Variants in HMX1 observed in about 807,000 individuals in gnomAD.
The protein encoded by HMX1 is H6 family homeobox 1.
HMX1 carries 8 observed loss-of-function variants against 8.9 expected under a neutral mutation model. That is an observed-to-expected ratio of 0.90 (90% CI 0.53 to 1.63). The LOEUF is 1.63. HMX1 is among the 40% of genes most tolerant of loss of function. The pLI, the probability that HMX1 is intolerant of heterozygous loss-of-function variation, is 0.00. For synonymous variants in HMX1, 311 were observed against 283.4 expected (o/e 1.10, Z -0.98); for missense variants, 621 against 558.5 (o/e 1.11, Z -1.13).
chr4:8,859,407 A>G (rs763341896), intron 1 of HMX1, among the ~76,000 whole-genome samples: 3 of 152,144 alleles, frequency 2.0e-5, no homozygotes, highest in Non-Finnish European at 4.4e-5. Context: ...CAATCCCAGA[A>G]AAGGCCCGCG....
rs1460626582 is a variant in HMX1, at chr4:8,868,122, C to A, written c.618G>T (p.Thr206=). 2 of 1,515,876 alleles carry A rather than the reference C, an allele frequency of 1.3e-6. No individual in the cohort carries two copies. Among genetic ancestry groups the A allele is most frequent in the East Asian group, 5.2e-5 (2 of 38,372 alleles). The allele number at this position is 1,515,876 out of a possible 1,614,324, so 93.9% of individuals were successfully genotyped here. A position where few individuals can be genotyped will look rare whatever the true frequency, so the allele number is the denominator to read the frequency against. ...VGVGGGRKKK[T]RTVFSRSQVF... ...CCTGGCTGCGGGAGAAGACTGTGCG[C>A]GTCTTCTTCTTTCGGCCGCCGCCCA... Residue 206 remains threonine (T), a synonymous_variant, in exon 2 of 2, where the codon ACG becomes ACT. Transcript: ENST00000400677. The surrounding 1 kb of genome is among the most constrained non-coding windows in gnomAD (Gnocchi z 4.6).
In HMX1 at chr4:8,867,638, T is replaced by C. The variant is rs1411394670; in HGVS notation, c.*55A>G. 2.5e-6 allele frequency: 3 copies of C among 1,211,264 alleles called. No homozygotes were observed. The highest frequency in any genetic ancestry group is 3.1e-6 in the Non-Finnish European group (3 of 974,230). 75.0% of individuals were successfully genotyped at this position (1,211,264 alleles called of 1,614,324 possible). On this transcript the variant is annotated 3_prime_UTR_variant, in exon 2 of 2. Coordinates refer to ENST00000400677, the MANE Select transcript of HMX1 (RefSeq NM_018942.3). ...CCTGAGCCCTGCGCCTGCCGCTGAATCGCGCGTCCACACAGGTCCACAGGG... is the reference window on the plus strand; with the variant it reads ...CCTGAGCCCTGCGCCTGCCGCTGAACCGCGCGTCCACACAGGTCCACAGGG...
At chr4:8,857,582 G>A (rs530060548) in intron 1 of HMX1, among the ~76,000 whole-genome samples, 3 of 142,884 alleles carry the variant, frequency 2.1e-5, no homozygotes, top group Non-Finnish European at 4.6e-5. Flanking sequence ...GCACCCCCCC[G>A]CCCCCCTGCC....
chr4:8,867,010 G>C (rs1288620911), downstream of HMX1: 1 of 931,686 alleles, frequency 1.1e-6, no homozygotes, highest in Admixed American at 6.2e-5. Flanking sequence ...CGCAGCTTGA[G>C]CTGTCTCTGC....
In HMX1 at chr4:8,853,120, C is replaced by T. The variant is rs1450866639; in HGVS notation, c.395-6796G>A. ...TTCTGACTGGCCCAGTTTACAAGAGCCTCCTGTATTAGGGTATTGACTCTA... is the reference window on the plus strand; with the variant it reads ...TTCTGACTGGCCCAGTTTACAAGAGTCTCCTGTATTAGGGTATTGACTCTA... On this transcript the variant is annotated intron_variant, in intron 1 of 1. Coordinates refer to the HMX1 transcript ENST00000506970. This position sits in a 1 kb window ranked among gnomAD's most constrained non-coding sequence, Gnocchi z 4.7. 1.3e-5 allele frequency among the ~76,000 whole-genome samples: 2 copies of T among 152,204 alleles called. No individual in the cohort carries two copies. The highest frequency in any genetic ancestry group is 2.9e-5 in the Non-Finnish European group (2 of 68,036).
rs1722093999 is a variant in HMX1 at position 8,868,278 on chromosome 4, G to T, written c.462C>A (p.Gly154=). The change falls in exon 2 of 2, where the codon GGC becomes GGA. Residue 154 remains glycine (G), a synonymous_variant. Transcript: ENST00000400677. This position sits in a 1 kb window ranked among gnomAD's most constrained non-coding sequence, Gnocchi z 4.6. ...CCCGCTGCACCGCTCCCGGCCCGGG[G>T]CCTCGCGGCCAGGCGCCCTCCGCAC... ...MGRAEGAWPR[G]PGPGAVQREA... is the part of the protein sequence containing the mutation. The T allele has an allele frequency of 2.8e-6, 4 of 1,439,940 alleles. No individual in the cohort carries two copies. In the South Asian group the frequency reaches 4.2e-5, roughly 15 times the overall value. The allele number at this position is 1,439,940 out of a possible 1,614,324, so 89.2% of individuals were successfully genotyped here. A position where few individuals can be genotyped will look rare whatever the true frequency, so the allele number is the denominator to read the frequency against.
rs1721348684 is a variant in HMX1, at chr4:8,848,765, C to T, written c.395-2441G>A. 6.6e-6 allele frequency among the ~76,000 whole-genome samples: 1 copy of T among 152,174 alleles called. No individual in the cohort carries two copies. The highest frequency in any genetic ancestry group is 6.5e-5 in the Admixed American group (1 of 15,282). On this transcript the variant is annotated intron_variant, in intron 1 of 1. Transcript: ENST00000506970. The surrounding 1 kb of genome is among the most constrained non-coding windows in gnomAD (Gnocchi z 4.1). The stretch of plus-strand genomic sequence containing the variant: ...ACCCAACCTGGGTCAGAAGATTACC[C>T]CAGGGCAAGTAGCAAGGAGACATCA...
At position 8,867,386 on chromosome 4, in the gene HMX1, G is replaced by T. The variant is rs897981508; in HGVS notation, c.*307C>A. 4.8e-6 allele frequency: 5 copies of T among 1,051,590 alleles called. No homozygotes were observed. The highest frequency in any genetic ancestry group is 5.5e-5 in the Admixed American group (1 of 18,186). The allele number at this position is 1,051,590 out of a possible 1,614,324, so 65.1% of individuals were successfully genotyped here. A position where few individuals can be genotyped will look rare whatever the true frequency, so the allele number is the denominator to read the frequency against. On this transcript the variant is annotated 3_prime_UTR_variant, in exon 2 of 2. Transcript: ENST00000400677. ...GCAGCTGCCCCGGGTGGCCATGGCC[G>T]ACCGCTCCTCGCTGAGGCCGGGGGG... is the stretch of plus-strand genomic sequence containing the variant.
At chr4:8,862,782 T>C (rs1289083877), downstream of HMX1, among the ~76,000 whole-genome samples, 1 of 152,156 alleles carries the variant, frequency 6.6e-6, no homozygotes, top group Non-Finnish European at 1.5e-5. Context: ...GCCCCACAGC[T>C]CCAGAACGTG....
chr4:8,860,308 A>G (rs1721756575), intron 1 of HMX1, among the ~76,000 whole-genome samples: 1 of 152,168 alleles, frequency 6.6e-6, no homozygotes, highest in South Asian at 2.1e-4. Context: ...CCGTGCGTTG[A>G]GCGCCTCGGA....
chr4:8,854,183 G>A (rs2109456443), intron 1 of HMX1, among the ~76,000 whole-genome samples: 1 of 152,294 alleles, frequency 6.6e-6, no homozygotes, highest in East Asian at 1.9e-4. Context: ...GGCAGTGGGG[G>A]GTCGACAGAT....
chr4:8,866,040 G>A, downstream of HMX1, among the ~76,000 whole-genome samples: 1 of 152,206 alleles, frequency 6.6e-6, no homozygotes, highest in East Asian at 1.9e-4. Context: ...GAACCCAGAG[G>A]TGTGGACCTG....
chr4:8,865,038 T>C (rs1721951151), downstream of HMX1, among the ~76,000 whole-genome samples: 1 of 152,156 alleles, frequency 6.6e-6, no homozygotes, highest in Non-Finnish European at 1.5e-5. Context: ...GAGTGGACGA[T>C]CTAAAACTGG....
chr4:8,851,609 G>A (rs965544521), intron 1 of HMX1, among the ~76,000 whole-genome samples: 4 of 152,202 alleles, frequency 2.6e-5, no homozygotes, highest in South Asian at 2.1e-4. Context: ...GAGGCTCTGC[G>A]GGCCTGAGGC....
In HMX1 at chr4:8,871,208, C is replaced by A; in HGVS notation, c.394+13G>T. ...CCCACCGCCTGACCCACCCTCCCCG[C>A]GCCCTCACTCACTGTCAGGACTGAG... On this transcript the variant is annotated intron_variant, in intron 1 of 1. Coordinates refer to ENST00000400677, the MANE Select transcript of HMX1 (RefSeq NM_018942.3). This position sits in a 1 kb window ranked among gnomAD's most constrained non-coding sequence, Gnocchi z 4.8. The A allele has an allele frequency of 1.4e-6, 2 of 1,419,538 alleles. No individual in the cohort carries two copies. Among genetic ancestry groups the A allele is most frequent in the Non-Finnish European group, 1.8e-6 (2 of 1,094,914 alleles). 87.9% of individuals were successfully genotyped at this position (1,419,538 alleles called of 1,614,324 possible). A position where few individuals can be genotyped will look rare whatever the true frequency, so the allele number is the denominator to read the frequency against.
At position 8,868,170 on chromosome 4, in the gene HMX1, C is replaced by T; in HGVS notation, c.570G>A (p.Gly190=). 1.3e-6 allele frequency: 2 copies of T among 1,499,048 alleles called. No individual in the cohort carries two copies. Among genetic ancestry groups the T allele is most frequent in the Non-Finnish European group, 1.8e-6 (2 of 1,129,950 alleles). 92.9% of individuals were successfully genotyped at this position (1,499,048 alleles called of 1,614,324 possible). Residue 190 remains glycine (G), a synonymous_variant, in exon 2 of 2, where the codon GGG becomes GGA. Coordinates refer to ENST00000400677, the MANE Select transcript of HMX1 (RefSeq NM_018942.3). This position sits in a 1 kb window ranked among gnomAD's most constrained non-coding sequence, Gnocchi z 4.6. ...CCACGCCAACGCCGCCGCGTGTCTC[C>T]CCAGCCGCCGCAGGGACCTCGGCCA... ...SELAEVPAAA[G]ETRGGVGVGG...
In HMX1 at chr4:8,867,931, C is replaced by A; in HGVS notation, c.809G>T (p.Ser270Ile). 6.8e-7 allele frequency: 1 copy of A among 1,466,234 alleles called. No homozygotes were observed. The highest frequency in any genetic ancestry group is 9.0e-7 in the Non-Finnish European group (1 of 1,109,164). The allele number at this position is 1,466,234 out of a possible 1,614,324, so 90.8% of individuals were successfully genotyped here. The change falls in exon 2 of 2, where the codon AGC becomes ATC. Residue 270 changes from serine (S) to isoleucine (I), a missense_variant. Ser to Ile is a moderately radical substitution (Grantham distance 142). Transcript: ENST00000400677. The part of the protein sequence containing the change: ...RQLAAELEAA[S>I]LSPPGAQRLV... ...GCGCTGCGCTCCCGGCGGGGACAGG[C>A]TGGCCGCCTCCAGCTCGGCTGCCAG...
chr4:8,858,535 G>A (rs1721689155), intron 1 of HMX1, among the ~76,000 whole-genome samples: 1 of 152,188 alleles, frequency 6.6e-6, no homozygotes, highest in Non-Finnish European at 1.5e-5. Context: ...GGAGGCCTAG[G>A]TCCATTCGGG....
chr4:8,855,663 A>G (rs1359256306), intron 1 of HMX1, among the ~76,000 whole-genome samples: 1 of 152,220 alleles, frequency 6.6e-6, no homozygotes, highest in African/African-American at 2.4e-5. Flanking sequence ...GGATGTGGCC[A>G]GGACCCTTGG....
Sources: allele counts gnomAD v4.1 joint callset (sites outside exome capture counted in the v4.1 genomes callset), GRCh38; gene constraint gnomAD v4.1.1; non-coding constraint Gnocchi (gnomAD v3.1); transcripts MANE v1.5; gene names NCBI Gene and HGNC (gene_info 2026-07-23, HGNC 2026-07-21).